The following NTRK3 variants were observed in gnomAD, a reference collection of about 807,000 sequenced individuals.
NTRK3 encodes NT-3 growth factor receptor.
NTRK3 carries 24 observed loss-of-function variants against 91.7 expected under a neutral mutation model. The observed-to-expected ratio is 0.26, with a 90% CI of 0.19 to 0.37. NTRK3 has a LOEUF of 0.37. Ranked by LOEUF, NTRK3 falls within the 10% of genes least tolerant of loss-of-function variation. The probability of loss-of-function intolerance (pLI) is 1.00; values close to 1 mark genes in which losing one functional copy is unlikely to be tolerated. For synonymous variants in NTRK3, 483 were observed against 404.0 expected, an observed-to-expected ratio of 1.20 and a Z score of -2.34; for missense variants, 880 against 1,068.9, an observed-to-expected ratio of 0.82 and a Z score of 2.46.
At chr15:87,966,370 T>C (rs2072796090) in intron 14 of NTRK3, among the ~76,000 whole-genome samples, 2 of 152,188 alleles carry the variant, frequency 1.3e-5, no homozygotes, top group South Asian at 4.1e-4. Context: ...AAGGACCAGG[T>C]GACTTCCGGT....
intron 14 of NTRK3, among the ~76,000 whole-genome samples, chr15:87,959,167 A>G (rs906199052): frequency 1.3e-5 from 2 of 152,168 alleles, no homozygotes; most frequent in African/African-American, 2.4e-5. Flanking sequence ...ACACTGTTTC[A>G]GTTCTCATGG....
Position 88,128,604 on chromosome 15 carries a change from C to T in NTRK3, c.1228+107G>A. The T allele has an allele frequency of 7.4e-6, 9 of 1,211,620 alleles. No individual in the cohort carries two copies. In the South Asian group the frequency reaches 9.7e-5, roughly 13 times the overall value. 75.1% of individuals were successfully genotyped at this position (1,211,620 alleles called of 1,614,324 possible). On this transcript the variant is annotated intron_variant, in intron 11 of 18. Transcript: ENST00000394480. ...AGTTCACTCAGATGCCCTCAGCTGC[C>T]ATGGGCCAGGGATGATGTGGAATAG... is the stretch of plus-strand genomic sequence containing the variant.
At chr15:87,998,131 T>C (rs55690592) in intron 14 of NTRK3, among the ~76,000 whole-genome samples, 7,267 of 152,276 alleles carry the variant, frequency 0.048, 255 homozygotes, top group South Asian at 0.13. Flanking sequence ...TGGATGTGAA[T>C]AGCATCCTCC....
chr15:88,160,658 A>G (rs1367929979), intron 5 of NTRK3, among the ~76,000 whole-genome samples: 1 of 152,214 alleles, frequency 6.6e-6, no homozygotes, highest in Non-Finnish European at 1.5e-5. Context: ...AGGGGTGTCC[A>G]GAAGACTCAA....
chr15:88,130,648 T>A (rs1567482001), intron 10 of NTRK3, among the ~76,000 whole-genome samples: 1 of 151,834 alleles, frequency 6.6e-6, no homozygotes, highest in Non-Finnish European at 1.5e-5. Flanking sequence ...TAGAAATTAA[T>A]CATTAAGAAA....
intron 3 of NTRK3, among the ~76,000 whole-genome samples, chr15:88,207,786 G>A (rs1341829008): frequency 6.6e-6 from 1 of 152,202 alleles, no homozygotes; most frequent in Non-Finnish European, 1.5e-5. Context: ...AGCCTCAACA[G>A]ACCAGGGCCA....
At chr15:88,062,013 A>T (rs1234515829) in intron 13 of NTRK3, among the ~76,000 whole-genome samples, 3 of 152,252 alleles carry the variant, frequency 2.0e-5, no homozygotes, top group African/African-American at 4.8e-5. Context: ...TTAACAAAAT[A>T]AAAAATCATA....
intron 18 of NTRK3, 39 bp downstream of exon 19, chr15:87,880,231 C>G (rs761064594): frequency 1.2e-6 from 2 of 1,613,292 alleles, no homozygotes; most frequent in South Asian, 2.2e-5. Context: ...CTCTTATGAG[C>G]CCTCCCCCAA....
chr15:87,895,742 C>T (rs1392805124), intron 17 of NTRK3, among the ~76,000 whole-genome samples: 2 of 151,900 alleles, frequency 1.3e-5, no homozygotes, highest in Non-Finnish European at 2.9e-5. Flanking sequence ...TGAGAGATTC[C>T]TCTGCACAAT....
intron 3 of NTRK3, among the ~76,000 whole-genome samples, chr15:88,224,994 C>T (rs1011422191): frequency 1.3e-5 from 2 of 152,180 alleles, no homozygotes; most frequent in Non-Finnish European, 2.9e-5. Context: ...TTTTTATTTT[C>T]CTATAATGAT....
intron 3 of NTRK3, among the ~76,000 whole-genome samples, chr15:88,186,202 A>G (rs1406821320): frequency 6.6e-6 from 1 of 152,236 alleles, no homozygotes; most frequent in Non-Finnish European, 1.5e-5. Flanking sequence ...AGCTTCCTAC[A>G]AGGATCTGCT....
chr15:88,255,530 C>A lies in NTRK3; in HGVS notation c.248+376G>T, dbSNP rs2053949146. On this transcript the variant is annotated intron_variant, in intron 3 of 18. Transcript: ENST00000394480. This position sits in a 1 kb window ranked among gnomAD's most constrained non-coding sequence, Gnocchi z 4.3. ...CTGCCAAAGAATCGAACCTCGTCTA[C>A]TTTATTCCACTTGAGCGTGGCCAAA... Among the ~76,000 whole-genome samples, 1 of 152,180 alleles carries A rather than the reference C, an allele frequency of 6.6e-6. No individual in the cohort carries two copies. Among genetic ancestry groups the A allele is most frequent in the Admixed American group, 6.5e-5 (1 of 15,288 alleles).
chr15:88,105,927 A>T (rs2050657472), intron 13 of NTRK3, among the ~76,000 whole-genome samples: 1 of 152,254 alleles, frequency 6.6e-6, no homozygotes. Context: ...TGACTCACCC[A>T]AATCAAAAAG....
intron 13 of NTRK3, among the ~76,000 whole-genome samples, chr15:88,079,261 G>A (rs772991762): frequency 7.9e-5 from 12 of 152,190 alleles, no homozygotes; most frequent in South Asian, 4.1e-4. Flanking sequence ...CATCAAAGAC[G>A]ATCAGCGTTT....
At chr15:88,026,619 T>C (rs1461259683) in intron 14 of NTRK3, among the ~76,000 whole-genome samples, 7 of 152,188 alleles carry the variant, frequency 4.6e-5, no homozygotes, top group Non-Finnish European at 8.8e-5. Flanking sequence ...AGTGAACCCT[T>C]CTTAAATTGC....
intron 13 of NTRK3, among the ~76,000 whole-genome samples, chr15:88,052,487 C>T (rs533851283): frequency 6.6e-6 from 1 of 152,308 alleles, no homozygotes; most frequent in South Asian, 2.1e-4. Flanking sequence ...ATGCTAAAGC[C>T]CATGGGCGTC....
intron 8 of NTRK3, 50 bp from the exon 9 acceptor site, chr15:88,136,090 G>T (rs1361017753): frequency 6.2e-7 from 1 of 1,606,264 alleles, no homozygotes; most frequent in African/African-American, 1.3e-5. Context: ...TACAAGGATG[G>T]CTCTGCTACC....
At chr15:88,098,053 T>C (rs1036544526) in intron 13 of NTRK3, among the ~76,000 whole-genome samples, 2 of 152,250 alleles carry the variant, frequency 1.3e-5, no homozygotes, top group Non-Finnish European at 2.9e-5. Flanking sequence ...GCCAAATTTA[T>C]GTTATAAAAA....
intron 17 of NTRK3, among the ~76,000 whole-genome samples, chr15:87,901,931 T>A (rs2066482249): frequency 6.6e-6 from 1 of 152,192 alleles, no homozygotes; most frequent in Non-Finnish European, 1.5e-5. Flanking sequence ...TTCTTATACA[T>A]TCTAAATTAA....
Sources: allele counts gnomAD v4.1 joint callset (sites outside exome capture counted in the v4.1 genomes callset), GRCh38; gene constraint gnomAD v4.1.1; non-coding constraint Gnocchi (gnomAD v3.1); transcripts MANE v1.5; gene names NCBI Gene and HGNC (gene_info 2026-07-23, HGNC 2026-07-21).